The following DOK5 variants were observed in gnomAD, a reference collection of about 807,000 sequenced individuals.
The protein encoded by DOK5 is docking protein 5, also known as downstream of tyrosine kinase 5.
DOK5 carries 27 observed loss-of-function variants against 43.3 expected under a neutral mutation model. The ratio of observed to expected loss-of-function variants is 0.62; its 90% CI spans 0.46 to 0.86. DOK5 has a LOEUF of 0.86. DOK5 is among the 40% of genes least tolerant of loss of function. The probability of loss-of-function intolerance (pLI) is 0.00; values close to 1 mark genes in which losing one functional copy is unlikely to be tolerated. For synonymous variants in DOK5, 146 were observed against 140.1 expected (o/e 1.04, Z -0.30); for missense variants, 373 against 392.9 (o/e 0.95, Z 0.43).
intron 1 of DOK5, among the ~76,000 whole-genome samples, chr20:54,502,668 C>CA (rs961684547): frequency 6.6e-6 from 1 of 152,078 alleles, no homozygotes; most frequent in East Asian, 1.9e-4. Context: ...TTTTTCCCCA[C>CA]AAAAATAGTA....
chr20:54,642,968 C>T (rs565621141), intron 6 of DOK5, among the ~76,000 whole-genome samples: 36 of 152,280 alleles, frequency 2.4e-4, no homozygotes, highest in Admixed American at 2.2e-3. Context: ...AACAACTCCA[C>T]GAGAAATCAT....
intron 7 of DOK5, among the ~76,000 whole-genome samples, chr20:54,649,114 A>G (rs551220893): frequency 6.6e-6 from 1 of 152,334 alleles, no homozygotes; most frequent in African/African-American, 2.4e-5. Context: ...ATGTAGCCTT[A>G]TGGGGTTCTC....
chr20:54,520,085 A>G (rs966249180), intron 1 of DOK5, among the ~76,000 whole-genome samples: 4 of 152,086 alleles, frequency 2.6e-5, no homozygotes, highest in Admixed American at 2.6e-4. Context: ...GCCCCTCCAC[A>G]TCCTTGCCAC....
intron 6 of DOK5, among the ~76,000 whole-genome samples, chr20:54,637,888 C>G (rs560029584): frequency 6.6e-6 from 1 of 152,130 alleles, no homozygotes; most frequent in Non-Finnish European, 1.5e-5. Context: ...TTTGGGAGGC[C>G]AAGGCGGGCA....
chr20:54,542,381 A>G (rs1420703947), intron 1 of DOK5, among the ~76,000 whole-genome samples: 1 of 152,186 alleles, frequency 6.6e-6, no homozygotes, highest in Non-Finnish European at 1.5e-5. Flanking sequence ...ACTTTTTTCT[A>G]TAAAACTAGT....
At position 54,591,520 on chromosome 20, in the gene DOK5, T is replaced by G. The variant is rs1168536641; in HGVS notation, c.410-96T>G. 4.2e-6 allele frequency: 4 copies of G among 950,704 alleles called. No individual in the cohort carries two copies. The East Asian group carries it at 1.0e-4, about 25-fold the overall frequency. 58.9% of individuals were successfully genotyped at this position (950,704 alleles called of 1,614,324 possible). A position where few individuals can be genotyped will look rare whatever the true frequency, so the allele number is the denominator to read the frequency against. ...GAATATGCAACCGAAATCTAGAATG[T>G]GAACTTGAATTGTTTTTAAATGCCT... On this transcript the variant is annotated intron_variant, in intron 4 of 7. Coordinates refer to ENST00000262593, the MANE Select transcript of DOK5 (RefSeq NM_018431.5).
intron 6 of DOK5, among the ~76,000 whole-genome samples, chr20:54,616,784 CTT>C (rs550110589): frequency 3.8e-5 from 4 of 105,740 alleles, no homozygotes; most frequent in African/African-American, 7.8e-5. Flanking sequence ...TTTTTTTTTT[CTT>C]TTTTTTTTTT....
At chr20:54,476,654 C>T (rs1352776909) in intron 1 of DOK5, among the ~76,000 whole-genome samples, 2 of 152,224 alleles carry the variant, frequency 1.3e-5, no homozygotes, top group East Asian at 3.9e-4. Context: ...CCCTGGAGGT[C>T]CACGGAAGGG....
intron 6 of DOK5, among the ~76,000 whole-genome samples, chr20:54,642,153 C>A (rs1049510183): frequency 5.3e-5 from 8 of 152,082 alleles, no homozygotes; most frequent in African/African-American, 1.9e-4. Flanking sequence ...TTCTACCCAT[C>A]CTACAGGCTC....
intron 1 of DOK5, among the ~76,000 whole-genome samples, chr20:54,546,132 A>G (rs1984335755): frequency 6.6e-6 from 1 of 152,182 alleles, no homozygotes; most frequent in Non-Finnish European, 1.5e-5. Flanking sequence ...AAGATGCTCA[A>G]CCTCACTAAA....
intron 1 of DOK5, among the ~76,000 whole-genome samples, chr20:54,498,030 T>C (rs1982464780): frequency 6.6e-6 from 1 of 152,242 alleles, no homozygotes; most frequent in Non-Finnish European, 1.5e-5. Context: ...AGATATTGTA[T>C]TGTGTTGTCT....
At chr20:54,500,330 C>T (rs778140850) in intron 1 of DOK5, among the ~76,000 whole-genome samples, 6 of 151,892 alleles carry the variant, frequency 4.0e-5, no homozygotes, top group Middle Eastern at 3.4e-3. Flanking sequence ...ACACTGGACA[C>T]GAAAAAAATA....
chr20:54,538,709 G>T (rs1001531501), intron 1 of DOK5, among the ~76,000 whole-genome samples: 2 of 152,124 alleles, frequency 1.3e-5, no homozygotes, highest in African/African-American at 4.8e-5. Context: ...TTATGTGAAG[G>T]GTGGTAAAGT....
chr20:54,624,311 A>T (rs1269893914), intron 6 of DOK5, among the ~76,000 whole-genome samples: 1 of 152,148 alleles, frequency 6.6e-6, no homozygotes, highest in African/African-American at 2.4e-5. Flanking sequence ...TAAAGGGACA[A>T]TCTGATTATA....
intron 1 of DOK5, among the ~76,000 whole-genome samples, chr20:54,547,722 A>G (rs1290539994): frequency 6.6e-6 from 1 of 152,230 alleles, no homozygotes; most frequent in East Asian, 1.9e-4. Context: ...CACCACCACC[A>G]ACAACAAAGT....
intron 1 of DOK5, among the ~76,000 whole-genome samples, chr20:54,524,173 G>A (rs1448916573): frequency 6.6e-6 from 1 of 152,148 alleles, no homozygotes; most frequent in African/African-American, 2.4e-5. Flanking sequence ...TGGAGGAGGG[G>A]AGAAAGATTG....
chr20:54,512,732 A>G (rs548093760), intron 1 of DOK5, among the ~76,000 whole-genome samples: 1 of 152,348 alleles, frequency 6.6e-6, no homozygotes, highest in East Asian at 1.9e-4. Flanking sequence ...TCAATGGTGT[A>G]TATTAGTCTT....
chr20:54,618,624 T>A (rs1986889588), intron 6 of DOK5, among the ~76,000 whole-genome samples: 1 of 152,204 alleles, frequency 6.6e-6, no homozygotes, highest in Non-Finnish European at 1.5e-5. Flanking sequence ...ACCACAGGCA[T>A]GAGCCACTGC....
chr20:54,519,788 A>T lies in DOK5; in HGVS notation c.67-35145A>T, dbSNP rs1983329151. Among the ~76,000 whole-genome samples, 6 of 152,276 alleles carry T rather than the reference A, an allele frequency of 3.9e-5. No individual in the cohort carries two copies. In the South Asian group the frequency reaches 1.0e-3, roughly 26 times the overall value. ...ATGTTTGTGAATTTGGCTCTATGCTATGAGATACCCAATTTGTCTTATTTT... is the reference window on the plus strand; with the variant it reads ...ATGTTTGTGAATTTGGCTCTATGCTTTGAGATACCCAATTTGTCTTATTTT... On this transcript the variant is annotated intron_variant, in intron 1 of 7. Coordinates refer to ENST00000262593, the MANE Select transcript of DOK5 (RefSeq NM_018431.5).
Sources: gnomAD v4.1 joint callset for allele counts (sites outside exome capture counted in the v4.1 genomes callset) on GRCh38, gnomAD v4.1.1 for gene constraint, MANE v1.5 for transcripts, NCBI Gene and HGNC (gene_info 2026-07-23, HGNC 2026-07-21) for gene names.